Variants in KCND3 observed in about 807,000 individuals in gnomAD.
KCND3 encodes potassium voltage-gated channel subfamily D member 3.
Under a neutral mutation model 51.1 loss-of-function variants are expected in KCND3, and 9 were observed. The ratio of observed to expected loss-of-function variants is 0.18; its 90% CI spans 0.11 to 0.31. KCND3 has a LOEUF of 0.31. Among genes scored for constraint, KCND3 ranks in the 10% least tolerant of loss-of-function variants. The probability of loss-of-function intolerance (pLI) is 1.00; values close to 1 mark genes in which losing one functional copy is unlikely to be tolerated. For missense variants in KCND3, 526 were observed against 903.8 expected, an observed-to-expected ratio of 0.58 and a Z score of 5.36; for synonymous variants, 349 against 368.0, an observed-to-expected ratio of 0.95 and a Z score of 0.59.
chr1:111,885,644 G>C (rs1318786862), intron 2 of KCND3, among the ~76,000 whole-genome samples: 7 of 152,122 alleles, frequency 4.6e-5, no homozygotes, highest in Admixed American at 3.9e-4. Flanking sequence ...TGTGGTACGG[G>C]AACGTTTCCA....
chr1:111,812,226 C>T (rs931664338), intron 2 of KCND3, among the ~76,000 whole-genome samples: 2 of 152,228 alleles, frequency 1.3e-5, no homozygotes, highest in Admixed American at 1.3e-4. Flanking sequence ...CTCCCCGGCT[C>T]CACTGGTGGG....
chr1:111,876,060 T>C (rs1669034984), intron 2 of KCND3, among the ~76,000 whole-genome samples: 1 of 152,174 alleles, frequency 6.6e-6, no homozygotes, highest in Non-Finnish European at 1.5e-5. Context: ...GGAAATCCAC[T>C]ACTCAACTCG....
intron 2 of KCND3, among the ~76,000 whole-genome samples, chr1:111,956,593 C>T (rs1031779696): frequency 6.6e-6 from 1 of 152,112 alleles, no homozygotes; most frequent in Non-Finnish European, 1.5e-5. Flanking sequence ...TTCTGATGTG[C>T]GGCATTCCTA....
intron 1 of KCND3, among the ~76,000 whole-genome samples, chr1:111,985,164 A>C (rs550557613): frequency 6.6e-6 from 1 of 152,322 alleles, no homozygotes; most frequent in East Asian, 1.9e-4. Context: ...TGACAACCCC[A>C]AAGTGGCAGA....
chr1:111,884,002 T>C (rs1444568680), intron 2 of KCND3, among the ~76,000 whole-genome samples: 4 of 152,230 alleles, frequency 2.6e-5, no homozygotes, highest in Non-Finnish European at 4.4e-5. Context: ...CAGATCTGTC[T>C]CAAGTTCATG....
At chr1:111,854,783 A>G (rs951349566) in intron 2 of KCND3, among the ~76,000 whole-genome samples, 1 of 152,176 alleles carries the variant, frequency 6.6e-6, no homozygotes, top group Admixed American at 6.5e-5. Flanking sequence ...TAAGGCCTCG[A>G]GTTACCAAAA....
intron 2 of KCND3, among the ~76,000 whole-genome samples, chr1:111,857,591 C>A (rs142071406): frequency 4.6e-5 from 7 of 152,056 alleles, no homozygotes; most frequent in African/African-American, 1.4e-4. Flanking sequence ...CTCTGACAAC[C>A]GCTTGGCCCA....
At chr1:111,866,579 A>ACACAC (rs1668581640) in intron 2 of KCND3, among the ~76,000 whole-genome samples, 1 of 126,742 alleles carries the variant, frequency 7.9e-6, no homozygotes. Flanking sequence ...TGTTTCTTTA[A>ACACAC]ACACACACAC....
chr1:111,975,770 T>TGAGGAAG (rs1198746784), intron 2 of KCND3, among the ~76,000 whole-genome samples: 1 of 152,216 alleles, frequency 6.6e-6, no homozygotes, highest in Admixed American at 6.5e-5. Flanking sequence ...TCTTGCAGCT[T>TGAGGAAG]GACCATTTGG....
rs1424979846 is a variant in KCND3 at position 111,790,946 on chromosome 1, A to T, written c.1107-3840T>A. On this transcript the variant is annotated intron_variant, in intron 2 of 7. Transcript: ENST00000302127. ...GAATAACATTCCACTGTCTGGGTAG[A>T]CCACATTTTGTTAATTCACTCATCA... Among the ~76,000 whole-genome samples the T allele has an allele frequency of 2.0e-5, 3 of 152,222 alleles. No individual in the cohort carries two copies. The East Asian group carries it at 5.8e-4, about 29-fold the overall frequency.
chr1:111,944,614 G>A (rs1489201402), intron 2 of KCND3, among the ~76,000 whole-genome samples: 1 of 152,252 alleles, frequency 6.6e-6, no homozygotes, highest in East Asian at 1.9e-4. Context: ...GTGGGGGCAT[G>A]TGCATGCTGC....
intron 2 of KCND3, among the ~76,000 whole-genome samples, chr1:111,916,464 A>G (rs1671222836): frequency 6.6e-6 from 1 of 152,204 alleles, no homozygotes; most frequent in African/African-American, 2.4e-5. Flanking sequence ...ATACTGGAAA[A>G]TAAACAAGTC....
intron 2 of KCND3, among the ~76,000 whole-genome samples, chr1:111,956,883 A>C (rs945458401): frequency 6.6e-6 from 1 of 152,200 alleles, no homozygotes; most frequent in Non-Finnish European, 1.5e-5. Flanking sequence ...AGGCCCAGAC[A>C]AGTGAAGATC....
intron 2 of KCND3, among the ~76,000 whole-genome samples, chr1:111,847,939 G>A (rs1667633023): frequency 6.6e-6 from 1 of 152,208 alleles, no homozygotes; most frequent in Non-Finnish European, 1.5e-5. Context: ...CCCTCCCTGA[G>A]CTCCCATGAC....
intron 2 of KCND3, among the ~76,000 whole-genome samples, chr1:111,795,087 T>A (rs1664998900): frequency 6.6e-6 from 1 of 152,172 alleles, no homozygotes; most frequent in Admixed American, 6.5e-5. Context: ...CTAGCCACAA[T>A]TCTACAAAAA....
rs182659364 is a variant in KCND3 at position 111,783,939 on chromosome 1, G to C, written c.1269+3005C>G. 1.7e-4 allele frequency among the ~76,000 whole-genome samples: 26 copies of C among 152,224 alleles called. No individual in the cohort carries two copies. The East Asian group carries it at 4.8e-3, about 28-fold the overall frequency. On this transcript the variant is annotated intron_variant, in intron 3 of 7. Transcript: ENST00000302127. ...ATGAATTCATTTATATAACATTTTTGAAATTAAAACATTTATAAATGATGG... is the reference window on the plus strand; with the variant it reads ...ATGAATTCATTTATATAACATTTTTCAAATTAAAACATTTATAAATGATGG...
intron 2 of KCND3, among the ~76,000 whole-genome samples, chr1:111,953,134 T>C (rs1277335736): frequency 1.3e-5 from 2 of 152,110 alleles, no homozygotes; most frequent in African/African-American, 2.4e-5. Context: ...CTGGACTTCA[T>C]TAATCTCAGT....
chr1:111,859,252 G>A (rs957082370), intron 2 of KCND3, among the ~76,000 whole-genome samples: 11 of 148,132 alleles, frequency 7.4e-5, no homozygotes, highest in African/African-American at 2.7e-4. Context: ...TGACCCTTTT[G>A]AAGTTCTTCT....
chr1:111,987,465 C>G (rs1557773190), intron 1 of KCND3, among the ~76,000 whole-genome samples: 1 of 152,064 alleles, frequency 6.6e-6, no homozygotes. Flanking sequence ...TAAAACATAC[C>G]AAAAAAGGAG....
Sources: allele counts gnomAD v4.1 joint callset (sites outside exome capture counted in the v4.1 genomes callset), GRCh38; gene constraint gnomAD v4.1.1; transcripts MANE v1.5; gene names NCBI Gene and HGNC (gene_info 2026-07-23, HGNC 2026-07-21).